TOP1MT: variants seen among roughly 807,000 people sequenced by gnomAD.
TOP1MT encodes DNA topoisomerase I mitochondrial, also known as DNA topoisomerase I, mitochondrial.
TOP1MT carries 80 observed loss-of-function variants against 73.9 expected under a neutral mutation model. The ratio of observed to expected loss-of-function variants is 1.08; its 90% CI spans 0.90 to 1.30. The LOEUF is 1.30. Among genes scored for constraint, TOP1MT ranks in the 50% most tolerant of loss-of-function variants. The probability of loss-of-function intolerance (pLI) is 0.00; values close to 1 mark genes in which losing one functional copy is unlikely to be tolerated. For synonymous variants in TOP1MT, 338 were observed against 326.4 expected (o/e 1.04, Z -0.38); for missense variants, 815 against 808.0 (o/e 1.01, Z -0.10).
At chr8:143,353,317 G>A (rs2130469635) in intron 1 of TOP1MT, among the ~76,000 whole-genome samples, 1 of 152,078 alleles carries the variant, frequency 6.6e-6, no homozygotes, top group South Asian at 2.1e-4. Flanking sequence ...TCAGGAGGCT[G>A]AAGTGGGAGG....
chr8:143,345,582 GTTT>G (rs1025361097), upstream of TOP1MT, among the ~76,000 whole-genome samples: 1 of 152,258 alleles, frequency 6.6e-6, no homozygotes, highest in African/African-American at 2.4e-5. Context: ...TCAGCAGAGA[GTTT>G]TTCACTGTTT....
At chr8:143,357,695 G>A (rs1243864749), upstream of TOP1MT, among the ~76,000 whole-genome samples, 1 of 152,192 alleles carries the variant, frequency 6.6e-6, no homozygotes, top group Admixed American at 6.5e-5. Flanking sequence ...GCTGAAGCAG[G>A]CGGATCACCT....
At chr8:143,322,426 ATG>A (rs1816470037) in intron 7 of TOP1MT, among the ~76,000 whole-genome samples, 1 of 107,260 alleles carries the variant, frequency 9.3e-6, no homozygotes, top group African/African-American at 4.2e-5. Flanking sequence ...CGCCACACAC[ATG>A]CACACCACAC....
At chr8:143,335,289 C>A (rs1816963068), upstream of TOP1MT, among the ~76,000 whole-genome samples, 2 of 152,202 alleles carry the variant, frequency 1.3e-5, no homozygotes, top group Non-Finnish European at 2.9e-5. Context: ...GGAGAAGGGA[C>A]CACACAGGCT....
Position 143,316,018 on chromosome 8 carries a change from A to G in TOP1MT, c.1439T>C (p.Met480Thr), listed in dbSNP as rs1244909840. The change falls in exon 11 of 14, where the codon ATG (methionine) becomes ACG (threonine). Residue 480 changes from methionine to threonine, a missense_variant. Around this residue, in one of 3 missense-constraint regions of TOP1MT, gnomAD observed 751 missense variants for 725.4 expected, o/e 1.04. Coordinates refer to ENST00000329245, the MANE Select transcript of TOP1MT (RefSeq NM_052963.3). The stretch of plus-strand genomic sequence containing the variant: ...TGCTACCTTCGTCTGGAGATTCTGC[A>G]TCGACTTCTCGAACGTACTGGGGGT... ...RATPSTFEKS[M>T]QNLQTKIQAK... The G allele has an allele frequency of 4.3e-6, 7 of 1,614,020 alleles. No homozygotes were observed. The highest frequency in any genetic ancestry group is 2.2e-5 in the East Asian group (1 of 44,884).
At chr8:143,327,870 G>A (rs1035509512) in intron 3 of TOP1MT, 18 of 348,182 alleles carry the variant, frequency 5.2e-5, no homozygotes, top group African/African-American at 2.4e-4. Context: ...CACGAGCCTC[G>A]GCCTCTACCC....
upstream of TOP1MT, among the ~76,000 whole-genome samples, chr8:143,335,783 G>A (rs187949196): frequency 3.3e-5 from 5 of 152,364 alleles, no homozygotes; most frequent in Non-Finnish European, 5.9e-5. Flanking sequence ...GGCAGGAAAG[G>A]AGTCCGGGCT....
At chr8:143,317,634 G>T (rs1816204913) in intron 10 of TOP1MT, 89 bp downstream of exon 10, 1 of 1,180,828 alleles carries the variant, frequency 8.5e-7, no homozygotes, top group Non-Finnish European at 1.2e-6. Flanking sequence ...CCACCCCGAG[G>T]CTCACTCAAC....
At chr8:143,357,040 G>C (rs979680643), upstream of TOP1MT, among the ~76,000 whole-genome samples, 2 of 145,326 alleles carry the variant, frequency 1.4e-5, no homozygotes, top group African/African-American at 5.2e-5. Flanking sequence ...CTTGCAGTGA[G>C]CCAAGATAGT....
chr8:143,341,840 TTCC>T lies in TOP1MT; in HGVS notation c.29+1377_29+1379del, dbSNP rs139344345. On this transcript the variant is annotated intron_variant, in intron 2 of 5. Coordinates refer to the TOP1MT transcript ENST00000518007. The surrounding 1 kb of genome is among the most constrained non-coding windows in gnomAD (Gnocchi z 4.1). Reference sequence around the variant, plus strand: ...TCCTTCTTCCTTCTTCTTCCTCTTCTTCCTCCTCCTCCTCCTTCCTCTTTCTCC... The same window carrying T: ...TCCTTCTTCCTTCTTCTTCCTCTTCTTCCTCCTCCTCCTTCCTCTTTCTCC... Among the ~76,000 whole-genome samples the T allele has an allele frequency of 1.2e-4, 18 of 150,142 alleles. No homozygotes were observed. The highest frequency in any genetic ancestry group is 6.2e-4 in the South Asian group (3 of 4,816).
At chr8:143,331,558 G>A (rs911536515) in intron 1 of TOP1MT, among the ~76,000 whole-genome samples, 6 of 152,156 alleles carry the variant, frequency 3.9e-5, no homozygotes, top group African/African-American at 1.4e-4. Flanking sequence ...GCAGAGGCCC[G>A]TGTGCTGCTG....
chr8:143,343,534 C>T, intron 1 of TOP1MT: 1 of 302,794 alleles, frequency 3.3e-6, no homozygotes, highest in Non-Finnish European at 6.6e-6. Flanking sequence ...GCTGCGAACA[C>T]ATCTCAGGCC....
upstream of TOP1MT, among the ~76,000 whole-genome samples, chr8:143,345,492 C>T (rs748841723): frequency 1.6e-4 from 24 of 152,248 alleles, no homozygotes; most frequent in African/African-American, 2.4e-4. Context: ...CCTGCTGCCA[C>T]GCGCGGCTGG....
chr8:143,310,959 CTTT>C (rs36007345), intron 12 of TOP1MT, among the ~76,000 whole-genome samples: 4 of 128,110 alleles, frequency 3.1e-5, no homozygotes, highest in Middle Eastern at 3.9e-3. Flanking sequence ...TTTCTCTTGG[CTTT>C]TTTTTTTTTT....
chr8:143,314,839 T>A (rs895472981), intron 12 of TOP1MT, among the ~76,000 whole-genome samples: 3 of 152,142 alleles, frequency 2.0e-5, no homozygotes, highest in African/African-American at 7.2e-5. Flanking sequence ...ATTACTCTTT[T>A]TTCCAATATT....
Position 143,321,333 on chromosome 8 carries a change from C to T in TOP1MT, c.1014G>A (p.Val338=), listed in dbSNP as rs759312556. ...EKEDGEAADT[V]GCCSLRVEHV... ...GCTCCACGCGGAGGGAACAGCAGCC[C>T]ACGGTGTCGGCCGCCTCACCGTCCT... The change falls in exon 8 of 14, where the codon GTG becomes GTA. Residue 338 remains valine (V), a synonymous_variant. Coordinates refer to ENST00000329245, the MANE Select transcript of TOP1MT (RefSeq NM_052963.3). 8 of 1,603,690 alleles carry T rather than the reference C, an allele frequency of 5.0e-6. No homozygotes were observed. Among genetic ancestry groups the T allele is most frequent in the Admixed American group, 1.7e-5 (1 of 59,588 alleles).
intron 1 of TOP1MT, chr8:143,332,396 G>A: frequency 6.2e-6 from 6 of 974,104 alleles, no homozygotes; most frequent in Non-Finnish European, 7.1e-6. Flanking sequence ...GAGGGTGGGA[G>A]CACCATCAGG....
At chr8:143,321,919 A>ACACACACAGGCACGC (rs1563758538) in intron 7 of TOP1MT, among the ~76,000 whole-genome samples, 7 of 73,964 alleles carry the variant, frequency 9.5e-5, no homozygotes, top group Non-Finnish European at 1.8e-4. Flanking sequence ...CAGGCACGCC[A>ACACACACAGGCACGC]CACACATGCA....
rs184814384 is a variant in TOP1MT, at chr8:143,331,261, G to T, written c.201C>A (p.Tyr67Ter). The T allele has an allele frequency of 6.2e-7, 1 of 1,612,078 alleles. No individual in the cohort carries two copies. The highest frequency in any genetic ancestry group is 8.5e-7 in the Non-Finnish European group (1 of 1,178,504). The change falls in exon 2 of 14, where the codon TAC (tyrosine) becomes TAA (stop). Residue 67 changes from tyrosine (Y) to a stop codon, truncating the protein, a stop_gained. Coordinates refer to ENST00000329245, the MANE Select transcript of TOP1MT (RefSeq NM_052963.3). LOFTEE classifies it high-confidence loss of function. ...EHKGPYFAPPYEPLPDGVRFF... is the reference protein window; with the variant it reads ...EHKGPYFAPP ...AACGCACTCCGTCGGGAAGGGGCTC[G>T]TATGGGGGTGCGAAGTACGGGCCCT...
Sources: gnomAD v4.1 joint callset for allele counts (sites outside exome capture counted in the v4.1 genomes callset) on GRCh38, gnomAD v4.1.1 for gene constraint, gnomAD v4.1.1 regional missense constraint, Gnocchi (gnomAD v3.1) non-coding constraint, MANE v1.5 for transcripts, NCBI Gene and HGNC (gene_info 2026-07-23, HGNC 2026-07-21) for gene names.